FBXL7: variants seen among roughly 807,000 people sequenced by gnomAD.
The protein encoded by FBXL7 is F-box/LRR-repeat protein 7.
A neutral mutation model predicts 38.3 loss-of-function variants in FBXL7; 12 were observed. The ratio of observed to expected loss-of-function variants is 0.31; its 90% CI spans 0.20 to 0.51. The LOEUF is 0.51. FBXL7 is among the 20% of genes least tolerant of loss of function. The probability of loss-of-function intolerance (pLI) is 0.98; values close to 1 mark genes in which losing one functional copy is unlikely to be tolerated. For missense variants in FBXL7, 567 were observed against 676.4 expected (o/e 0.84, Z 1.79); for synonymous variants, 297 against 300.9 (o/e 0.99, Z 0.13).
chr5:15,911,783 C>T (rs1275453573), intron 2 of FBXL7, among the ~76,000 whole-genome samples: 1 of 36,828 alleles, frequency 2.7e-5, no homozygotes, highest in Non-Finnish European at 4.9e-5. Flanking sequence ...AATACCCTGC[C>T]GTGTGAGGTG....
intron 2 of FBXL7, among the ~76,000 whole-genome samples, chr5:15,894,682 G>A (rs1741038552): frequency 6.6e-6 from 1 of 152,128 alleles, no homozygotes; most frequent in East Asian, 1.9e-4. Context: ...TTTTTAGTAG[G>A]TATGTATGGA....
intron 1 of FBXL7, 130 bp from the exon 2 acceptor site, chr5:15,615,853 A>C: frequency 1.8e-6 from 1 of 542,552 alleles, no homozygotes; most frequent in Non-Finnish European, 3.3e-6. Flanking sequence ...AAACTTAATA[A>C]ACTCCATTCT....
At chr5:15,651,618 T>G (rs1408049051) in intron 2 of FBXL7, among the ~76,000 whole-genome samples, 1 of 152,236 alleles carries the variant, frequency 6.6e-6, no homozygotes, top group Admixed American at 6.5e-5. Context: ...TTCAGTAAAC[T>G]ATACTAAACA....
chr5:15,927,785 A>AAT, intron 2 of FBXL7, 105 bp from the exon 3 acceptor site: 3 of 801,038 alleles, frequency 3.7e-6, no homozygotes, highest in Middle Eastern at 3.7e-4. Flanking sequence ...AAAAAAAAAA[A>AAT]AAGAAGAAGA....
intron 2 of FBXL7, among the ~76,000 whole-genome samples, chr5:15,820,116 C>A (rs1738131189): frequency 6.6e-6 from 1 of 152,166 alleles, no homozygotes; most frequent in Non-Finnish European, 1.5e-5. Context: ...GGGATGAACT[C>A]CAGCCCCTCA....
intron 2 of FBXL7, among the ~76,000 whole-genome samples, chr5:15,856,261 C>T (rs1013509197): frequency 1.3e-5 from 2 of 151,898 alleles, no homozygotes; most frequent in African/African-American, 2.4e-5. Context: ...ATGGGGAAAC[C>T]GACCCCATGA....
intron 2 of FBXL7, among the ~76,000 whole-genome samples, chr5:15,639,464 C>T (rs1580426853): frequency 6.6e-6 from 1 of 152,094 alleles, no homozygotes; most frequent in African/African-American, 2.4e-5. Context: ...TGCACAGGCT[C>T]TCTCTCTTTG....
intron 2 of FBXL7, among the ~76,000 whole-genome samples, chr5:15,724,629 T>C (rs552167587): frequency 3.3e-5 from 5 of 152,246 alleles, no homozygotes; most frequent in African/African-American, 1.2e-4. Context: ...AAATTTTTGC[T>C]GAGCATAATG....
At chr5:15,556,021 T>C (rs1459966822) in intron 1 of FBXL7, among the ~76,000 whole-genome samples, 1 of 145,314 alleles carries the variant, frequency 6.9e-6, no homozygotes, top group Non-Finnish European at 1.5e-5. Context: ...ATCTATCATC[T>C]ATCAGTCTAT....
chr5:15,558,415 A>G (rs1319667563), intron 1 of FBXL7, among the ~76,000 whole-genome samples: 1 of 152,218 alleles, frequency 6.6e-6, no homozygotes, highest in African/African-American at 2.4e-5. Flanking sequence ...AGCACAGGGC[A>G]TGGATTCTGG....
chr5:15,852,461 G>A (rs1739125225), intron 2 of FBXL7, among the ~76,000 whole-genome samples: 1 of 152,126 alleles, frequency 6.6e-6, no homozygotes, highest in South Asian at 2.1e-4. Flanking sequence ...GAGGAGAAAG[G>A]GAATCATTTG....
chr5:15,517,614 A>G (rs1250786259), intron 1 of FBXL7, among the ~76,000 whole-genome samples: 1 of 152,202 alleles, frequency 6.6e-6, no homozygotes, highest in Non-Finnish European at 1.5e-5. Flanking sequence ...TGATGATGAA[A>G]GCAAAATGAA....
chr5:15,792,535 A>T (rs1387490869), intron 2 of FBXL7, among the ~76,000 whole-genome samples: 2 of 152,152 alleles, frequency 1.3e-5, no homozygotes, highest in Non-Finnish European at 2.9e-5. Context: ...ATTCCCCGGG[A>T]TTTAAACAGT....
chr5:15,858,424 AG>A (rs1412045861), intron 2 of FBXL7, among the ~76,000 whole-genome samples: 1 of 152,112 alleles, frequency 6.6e-6, no homozygotes, highest in African/African-American at 2.4e-5. Flanking sequence ...GATGAAAAAA[AG>A]GTTTTCAGAA....
rs990979816 is a variant in FBXL7 at position 15,790,532 on chromosome 5, A to G, written c.128-137358A>G. On this transcript the variant is annotated intron_variant, in intron 2 of 3. Transcript: ENST00000504595. ...TATTATTAAAGCCACCCATGCCAGC[A>G]TTTTTCTCAGCAAATCATTTTGTCA... Among the ~76,000 whole-genome samples the G allele has an allele frequency of 7.2e-5, 11 of 152,288 alleles. No individual in the cohort carries two copies. In the South Asian group the frequency reaches 1.5e-3, roughly 20 times the overall value.
chr5:15,647,933 C>T (rs564877133), intron 2 of FBXL7, among the ~76,000 whole-genome samples: 1 of 152,358 alleles, frequency 6.6e-6, no homozygotes, highest in African/African-American at 2.4e-5. Context: ...TCTTTTCTCA[C>T]ACTGCCTCTG....
chr5:15,840,950 T>C (rs1738731357), intron 2 of FBXL7, among the ~76,000 whole-genome samples: 1 of 152,162 alleles, frequency 6.6e-6, no homozygotes, highest in Non-Finnish European at 1.5e-5. Flanking sequence ...ATCATGTGTT[T>C]ATACTTTTTA....
intron 1 of FBXL7, among the ~76,000 whole-genome samples, chr5:15,575,905 G>C (rs985284341): frequency 6.6e-6 from 1 of 152,060 alleles, no homozygotes; most frequent in Non-Finnish European, 1.5e-5. Context: ...TCAACATAGA[G>C]GTAAATTATT....
In FBXL7 at chr5:15,635,796, G is replaced by A. The variant is rs7725848; in HGVS notation, c.127+19724G>A. Among the ~76,000 whole-genome samples the A allele has an allele frequency of 4.9e-3, 749 of 152,276 alleles. 5 individuals carry two copies. The highest frequency in any genetic ancestry group is 0.017 in the African/African-American group (718 of 41,546). On this transcript the variant is annotated intron_variant, in intron 2 of 3. Coordinates refer to ENST00000504595, the MANE Select transcript of FBXL7 (RefSeq NM_012304.5). ...TGAGAGAGGACAAACCTGCTCAGACGTCTGCGTGGCCCTGGGAATGGGCAG... is the reference window on the plus strand; with the variant it reads ...TGAGAGAGGACAAACCTGCTCAGACATCTGCGTGGCCCTGGGAATGGGCAG...
Sources: gnomAD v4.1 joint callset for allele counts (sites outside exome capture counted in the v4.1 genomes callset) on GRCh38, gnomAD v4.1.1 for gene constraint, MANE v1.5 for transcripts, NCBI Gene and HGNC (gene_info 2026-07-23, HGNC 2026-07-21) for gene names.